Variants in TMPRSS15 observed in about 807,000 individuals in gnomAD.
TMPRSS15 encodes the protein enteropeptidase.
Under a neutral mutation model 125.3 loss-of-function variants are expected in TMPRSS15, and 128 were observed. The ratio of observed to expected loss-of-function variants is 1.02; its 90% CI spans 0.89 to 1.18. TMPRSS15 has a LOEUF of 1.18. TMPRSS15 is among the 50% of genes most tolerant of loss of function. The pLI, the probability that TMPRSS15 is intolerant of heterozygous loss-of-function variation, is 0.00. For synonymous variants in TMPRSS15, 446 were observed against 423.2 expected (o/e 1.05, Z -0.66); for missense variants, 1,283 against 1,212.7 (o/e 1.06, Z -0.86).
At chr21:18,485,489 C>G (rs1181430610) in intron 1 of TMPRSS15, among the ~76,000 whole-genome samples, 1 of 151,930 alleles carries the variant, frequency 6.6e-6, no homozygotes, top group African/African-American at 2.4e-5. Context: ...AAATTTCACA[C>G]TATTCATTTT....
At chr21:18,277,319 C>G (rs1249609696) in intron 23 of TMPRSS15, among the ~76,000 whole-genome samples, 1 of 151,748 alleles carries the variant, frequency 6.6e-6, no homozygotes, top group African/African-American at 2.4e-5. Flanking sequence ...TAAAAAAAAT[C>G]CAAAAACAAA....
intron 6 of TMPRSS15, 96 bp downstream of exon 6, chr21:18,372,097 A>AGTGTGT (rs1601405253): frequency 4.0e-6 from 2 of 497,172 alleles, no homozygotes; most frequent in South Asian, 5.8e-5. Context: ...TTGAGATTAG[A>AGTGTGT]ATGTGTGTGT....
chr21:18,371,790 A>G (rs1048716153), intron 6 of TMPRSS15, among the ~76,000 whole-genome samples: 1 of 152,112 alleles, frequency 6.6e-6, no homozygotes, highest in Non-Finnish European at 1.5e-5. Flanking sequence ...AAAAAACATG[A>G]AAACCATTAG....
chr21:18,392,146 C>T (rs1021057565), intron 3 of TMPRSS15, among the ~76,000 whole-genome samples: 6 of 152,206 alleles, frequency 3.9e-5, no homozygotes. Flanking sequence ...GACATGTTCA[C>T]CATTGTCTTG....
At chr21:18,309,836 G>A (rs146973061) in intron 18 of TMPRSS15, among the ~76,000 whole-genome samples, 6 of 152,230 alleles carry the variant, frequency 3.9e-5, no homozygotes, top group African/African-American at 7.2e-5. Context: ...TGGTGGGAGC[G>A]TAAATTAGTT....
chr21:18,281,774 C>G (rs1319591205), intron 21 of TMPRSS15, among the ~76,000 whole-genome samples: 1 of 152,084 alleles, frequency 6.6e-6, no homozygotes. Flanking sequence ...ATGCATTTCC[C>G]ATTTAGAGAG....
chr21:18,481,880 A>G (rs1156807798), intron 1 of TMPRSS15, among the ~76,000 whole-genome samples: 1 of 151,750 alleles, frequency 6.6e-6, no homozygotes, highest in African/African-American at 2.4e-5. Flanking sequence ...CTTAATTTAT[A>G]TAATCAAAAA....
At chr21:18,280,596 C>CAAAAAAAAAAAAAAAAAAAAAAAAAAAAA (rs1246672347) in intron 22 of TMPRSS15, among the ~76,000 whole-genome samples, 1 of 102,146 alleles carries the variant, frequency 9.8e-6, no homozygotes, top group African/African-American at 4.5e-5. Context: ...AAAAAAAAAA[C>CAAAAAAAAAAAAAAAAAAAAAAAAAAAAA]AACAAAACAA....
rs2075872526 is a variant in TMPRSS15, at chr21:18,379,437, A to G, written c.497-119T>C. ...AGAATTTTAAAAGTTATTACGCATT[A>G]TTAGTGTCCATTTAGAAGTATGTCA... On this transcript the variant is annotated intron_variant, in intron 4 of 24. Transcript: ENST00000284885. 1.8e-5 allele frequency: 7 copies of G among 389,908 alleles called. No individual in the cohort carries two copies. The East Asian group carries it at 2.9e-4, about 16-fold the overall frequency. The allele number at this position is 389,908 out of a possible 1,614,324, so 24.2% of individuals were successfully genotyped here.
intron 6 of TMPRSS15, among the ~76,000 whole-genome samples, chr21:18,365,626 T>TCTC (rs1569035569): frequency 8.9e-6 from 1 of 111,738 alleles, no homozygotes; most frequent in Non-Finnish European, 1.7e-5. Context: ...CTCTCTTTCT[T>TCTC]TCTCTTTCTC....
chr21:18,461,670 TCA>T (rs2123275200), intron 1 of TMPRSS15, among the ~76,000 whole-genome samples: 1 of 152,254 alleles, frequency 6.6e-6, no homozygotes, highest in East Asian at 1.9e-4. Context: ...AAATTGAACC[TCA>T]CAGTTTTAAA....
intron 19 of TMPRSS15, among the ~76,000 whole-genome samples, chr21:18,296,366 A>G (rs1423280308): frequency 6.6e-6 from 1 of 152,212 alleles, no homozygotes; most frequent in Non-Finnish European, 1.5e-5. Context: ...AAATAAATAA[A>G]TGAACATATG....
At chr21:18,323,836 T>A (rs924459290) in intron 16 of TMPRSS15, among the ~76,000 whole-genome samples, 2 of 152,186 alleles carry the variant, frequency 1.3e-5, no homozygotes, top group African/African-American at 4.8e-5. Context: ...AGAGAGTACA[T>A]AATTTTACTG....
intron 7 of TMPRSS15, among the ~76,000 whole-genome samples, chr21:18,362,601 T>G (rs2075688454): frequency 6.6e-6 from 1 of 152,172 alleles, no homozygotes; most frequent in Non-Finnish European, 1.5e-5. Context: ...GTTATAATAT[T>G]AGATATTTCA....
At chr21:18,359,226 T>C (rs1305495612) in intron 8 of TMPRSS15, among the ~76,000 whole-genome samples, 1 of 152,038 alleles carries the variant, frequency 6.6e-6, no homozygotes, top group Non-Finnish European at 1.5e-5. Context: ...CCCGTCCATG[T>C]GTAACGATAA....
chr21:18,437,480 C>T (rs559134993), intron 1 of TMPRSS15, among the ~76,000 whole-genome samples: 182 of 152,224 alleles, frequency 1.2e-3, no homozygotes, highest in Non-Finnish European at 2.1e-3. Flanking sequence ...CAAATGGGAT[C>T]TAATTAAACT....
intron 1 of TMPRSS15, among the ~76,000 whole-genome samples, chr21:18,418,833 C>T (rs2076185842): frequency 6.6e-6 from 1 of 152,142 alleles, no homozygotes. Context: ...GTTGATTCAG[C>T]GTATGCTATA....
chr21:18,371,543 A>T (rs1249163380), intron 6 of TMPRSS15, among the ~76,000 whole-genome samples: 1 of 152,204 alleles, frequency 6.6e-6, no homozygotes, highest in African/African-American at 2.4e-5. Context: ...CTTAAGTGTC[A>T]AATAGTAATA....
chr21:18,421,659 C>T (rs142251971), intron 1 of TMPRSS15, among the ~76,000 whole-genome samples: 10 of 152,080 alleles, frequency 6.6e-5, no homozygotes, highest in Admixed American at 5.2e-4. Context: ...ATTTCTATTC[C>T]TTTGTTTGAG....
Sources: gnomAD v4.1 joint callset for allele counts (sites outside exome capture counted in the v4.1 genomes callset) on GRCh38, gnomAD v4.1.1 for gene constraint, MANE v1.5 for transcripts, NCBI Gene and HGNC (gene_info 2026-07-23, HGNC 2026-07-21) for gene names.